The following KIAA1614 variants were observed in gnomAD, a reference collection of about 807,000 sequenced individuals.
KIAA1614 encodes KIAA1614.
A neutral mutation model predicts 88.7 loss-of-function variants in KIAA1614; 76 were observed. The ratio of observed to expected loss-of-function variants is 0.86; its 90% CI spans 0.71 to 1.04. The LOEUF (loss-of-function observed/expected upper bound fraction) is 1.04, where lower values mean the gene tolerates loss of function less well. KIAA1614 is among the 50% of genes least tolerant of loss of function. The pLI, the probability that KIAA1614 is intolerant of heterozygous loss-of-function variation, is 0.00. For synonymous variants in KIAA1614, 714 were observed against 675.5 expected (o/e 1.06, Z -0.88); for missense variants, 1,553 against 1,582.5 (o/e 0.98, Z 0.32).
intron 4 of KIAA1614, among the ~76,000 whole-genome samples, chr1:180,934,465 C>T (rs1000381820): frequency 6.6e-6 from 1 of 151,824 alleles, no homozygotes; most frequent in Non-Finnish European, 1.5e-5. Context: ...TGAAGCACAC[C>T]TGTGGTCCCA....
chr1:180,925,872 G>A (rs1292352829), intron 3 of KIAA1614, among the ~76,000 whole-genome samples: 1 of 152,086 alleles, frequency 6.6e-6, no homozygotes, highest in African/African-American at 2.4e-5. Flanking sequence ...CTCCCCCAAG[G>A]GGGGACCTCG....
chr1:180,944,469 C>G lies in KIAA1614; in HGVS notation c.3240C>G (p.Ser1080=). 1 of 1,613,906 alleles carries G rather than the reference C, an allele frequency of 6.2e-7. No homozygotes were observed. The highest frequency in any genetic ancestry group is 2.2e-5 in the East Asian group (1 of 44,882). ...TGCTGAGCAGCAAGGGGAACCGGTC[C>G]AGCCTCTACCTGGTAGCAGGGCCAG... The part of the protein sequence containing the change: ...HSLLSSKGNR[S]SLYLVAGPGD... Residue 1080 remains serine, a synonymous_variant, in exon 8 of 9, where the codon TCC becomes TCG. Transcript: ENST00000367588.
chr1:180,930,912 A>G (rs1216029820), intron 4 of KIAA1614, among the ~76,000 whole-genome samples: 1 of 152,260 alleles, frequency 6.6e-6, no homozygotes, highest in Non-Finnish European at 1.5e-5. Flanking sequence ...TGGCAATGGC[A>G]CACAGGCCCC....
At position 180,944,395 on chromosome 1, in the gene KIAA1614, C is replaced by T. The variant is rs767663390; in HGVS notation, c.3166C>T (p.Pro1056Ser). Residue 1056 changes from proline to serine, a missense_variant, in exon 8 of 9, where the codon CCC (proline) becomes TCC (serine). Pro to Ser is a moderately conservative substitution (Grantham distance 74). Coordinates refer to ENST00000367588, the MANE Select transcript of KIAA1614 (RefSeq NM_020950.2). ...PSLQSLHPVS[P>S]SHQRRKAASF... ...ATTGTCCCTTTCTCATCAGGTGTCA[C>T]CCTCTCACCAGCGTCGGAAAGCTGC... 5.0e-6 allele frequency: 8 copies of T among 1,613,568 alleles called. No homozygotes were observed. The South Asian group carries it at 8.8e-5, about 18-fold the overall frequency.
At chr1:180,917,637 T>C (rs772962775) in intron 2 of KIAA1614, among the ~76,000 whole-genome samples, 1 of 152,200 alleles carries the variant, frequency 6.6e-6, no homozygotes, top group South Asian at 2.1e-4. Context: ...CATCACCGCA[T>C]GCCTGAGCCC....
chr1:180,921,295 G>C (rs1455084629), intron 3 of KIAA1614, among the ~76,000 whole-genome samples: 1 of 152,198 alleles, frequency 6.6e-6, no homozygotes, highest in African/African-American at 2.4e-5. Context: ...CATCAGGTAA[G>C]ATAGGAACCG....
chr1:180,936,650 C>A lies in KIAA1614; in HGVS notation c.2741C>A (p.Pro914His). The A allele has an allele frequency of 1.3e-6, 2 of 1,552,778 alleles. No individual in the cohort carries two copies. Among genetic ancestry groups the A allele is most frequent in the Non-Finnish European group, 1.7e-6 (2 of 1,153,454 alleles). ...RGPCSREPEP[P>H]LENSRDGGPQ... ...CCCTGCAGCCGGGAACCGGAGCCGC[C>A]CCTGGAGAACAGCAGAGATGGTAAG... The change falls in exon 5 of 9, where the codon CCC becomes CAC. Residue 914 changes from proline (P) to histidine (H), a missense_variant. By Grantham distance (77) the Pro-to-His change is moderately conservative. Transcript: ENST00000367588.
chr1:180,949,801 T>C lies in KIAA1614; in HGVS notation c.*4213T>C, dbSNP rs1039853830. ...TAAGACTGAGGCCAGTGTCAGTCTT[T>C]GGCAATAGAGTGCAGCAAACCAGGC... On this transcript the variant is annotated 3_prime_UTR_variant, in exon 9 of 9. Coordinates refer to ENST00000367588, the MANE Select transcript of KIAA1614 (RefSeq NM_020950.2). 3 of 152,224 alleles carry C rather than the reference T, an allele frequency of 2.0e-5. No individual in the cohort carries two copies. The highest frequency in any genetic ancestry group is 4.4e-5 in the Non-Finnish European group (3 of 68,062). The allele number at this position is 152,224 out of a possible 1,614,324, so 9.4% of individuals were successfully genotyped here.
At chr1:180,929,106 C>G (rs1233189145) in intron 4 of KIAA1614, among the ~76,000 whole-genome samples, 2 of 152,242 alleles carry the variant, frequency 1.3e-5, no homozygotes, top group African/African-American at 2.4e-5. Context: ...TGGCACTTAG[C>G]TGGGTGCCTC....
chr1:180,945,079 G>A (rs769594656), intron 8 of KIAA1614: 28 of 522,780 alleles, frequency 5.4e-5, no homozygotes, highest in Admixed American at 8.0e-5. Flanking sequence ...TTGGGAGGGT[G>A]GGGTTTCTAG....
chr1:180,925,834 G>T (rs1316618046), intron 3 of KIAA1614, among the ~76,000 whole-genome samples: 1 of 152,042 alleles, frequency 6.6e-6, no homozygotes, highest in Non-Finnish European at 1.5e-5. Flanking sequence ...TCTGCCACTC[G>T]GTCAGGGCCA....
chr1:180,935,904 G>A lies in KIAA1614; in HGVS notation c.1995G>A (p.Ala665=), dbSNP rs372602361. ...RGHRWSKKAE[A]ELPWGLQAQQ... is the part of the protein sequence containing the mutation. ...ACAGGTGGTCCAAGAAGGCTGAGGC[G>A]GAGCTCCCTTGGGGCCTTCAGGCCC... The change falls in exon 5 of 9, where the codon GCG becomes GCA. Residue 665 remains alanine (A), a synonymous_variant. Coordinates refer to ENST00000367588, the MANE Select transcript of KIAA1614 (RefSeq NM_020950.2). The surrounding 1 kb of genome is among the most constrained non-coding windows in gnomAD (Gnocchi z 6.1). 20 of 1,613,942 alleles carry A rather than the reference G, an allele frequency of 1.2e-5. No individual in the cohort carries two copies. Among genetic ancestry groups the A allele is most frequent in the African/African-American group, 4.0e-5 (3 of 75,054 alleles).
Position 180,938,706 on chromosome 1 carries a change from G to C in KIAA1614, c.2913G>C (p.Leu971=), listed in dbSNP as rs746568786. 5.6e-6 allele frequency: 9 copies of C among 1,613,518 alleles called. No individual in the cohort carries two copies. In the Admixed American group the frequency reaches 8.3e-5, roughly 15 times the overall value. Residue 971 remains leucine (L), a synonymous_variant, in exon 6 of 9, where the codon CTG becomes CTC. Transcript: ENST00000367588. ...RTGSGSGGHV[L]SRASAGAGTG... ...GGTCAGGATCTGGAGGACATGTGCT[G>C]TCAAGGTGAGTGACAGGAGAAAGAG... is the stretch of plus-strand genomic sequence containing the variant.
intron 3 of KIAA1614, among the ~76,000 whole-genome samples, chr1:180,918,162 A>G (rs567159162): frequency 6.6e-6 from 1 of 152,286 alleles, no homozygotes; most frequent in East Asian, 1.9e-4. Context: ...CGCATTGCTA[A>G]CTACCTGCTC....
chr1:180,925,104 C>A (rs982947814), intron 3 of KIAA1614, among the ~76,000 whole-genome samples: 1 of 151,992 alleles, frequency 6.6e-6, no homozygotes, highest in Non-Finnish European at 1.5e-5. Flanking sequence ...GGCAGGCTGC[C>A]CCCAAGCCAC....
In KIAA1614 at chr1:180,945,597, G is replaced by A; in HGVS notation, c.*9G>A. The A allele has an allele frequency of 6.3e-7, 1 of 1,590,548 alleles. No homozygotes were observed. The highest frequency in any genetic ancestry group is 8.5e-7 in the Non-Finnish European group (1 of 1,173,882). Reference sequence around the variant, plus strand: ...TTCTGGTCTTTGGCTGAGCCGTGCAGCTCTGGGAATTCAGAAAGCCTCTGA... The same window carrying A: ...TTCTGGTCTTTGGCTGAGCCGTGCAACTCTGGGAATTCAGAAAGCCTCTGA... On this transcript the variant is annotated 3_prime_UTR_variant, in exon 9 of 9. Transcript: ENST00000367588.
At chr1:180,914,969 T>G (rs369999766) in intron 1 of KIAA1614, among the ~76,000 whole-genome samples, 1 of 151,652 alleles carries the variant, frequency 6.6e-6, no homozygotes, top group Middle Eastern at 3.2e-3. Flanking sequence ...GCCTAGCCAA[T>G]TTTTTGTATT....
At chr1:180,918,325 C>A (rs1468807052) in intron 3 of KIAA1614, among the ~76,000 whole-genome samples, 3 of 152,184 alleles carry the variant, frequency 2.0e-5, no homozygotes, top group Non-Finnish European at 2.9e-5. Context: ...AGCCTTACCC[C>A]AATTCCGTTC....
At chr1:180,944,545 TA>T (rs1244005624) in intron 8 of KIAA1614, 29 bp downstream of exon 8, 7 of 1,608,872 alleles carry the variant, frequency 4.4e-6, no homozygotes, top group African/African-American at 2.7e-5. Context: ...GTTTGGAGGA[TA>T]AACTCAGAGA....
Sources: allele counts gnomAD v4.1 joint callset (sites outside exome capture counted in the v4.1 genomes callset), GRCh38; gene constraint gnomAD v4.1.1; non-coding constraint Gnocchi (gnomAD v3.1); transcripts MANE v1.5; gene names NCBI Gene and HGNC (gene_info 2026-07-23, HGNC 2026-07-21).